The following SNX18 variants were observed in gnomAD, a reference collection of about 807,000 sequenced individuals.
The protein encoded by SNX18 is sorting nexin 18.
SNX18 carries 35 observed loss-of-function variants against 48.7 expected under a neutral mutation model. The ratio of observed to expected loss-of-function variants is 0.72; its 90% CI spans 0.55 to 0.95. The LOEUF (loss-of-function observed/expected upper bound fraction) is 0.95, where lower values mean the gene tolerates loss of function less well. Among genes scored for constraint, SNX18 ranks in the 40% least tolerant of loss-of-function variants. The pLI, the probability that SNX18 is intolerant of heterozygous loss-of-function variation, is 0.00. For synonymous variants in SNX18, 492 were observed against 384.7 expected, an observed-to-expected ratio of 1.28 and a Z score of -3.26; for missense variants, 824 against 871.0, an observed-to-expected ratio of 0.95 and a Z score of 0.68.
At chr5:54,563,260 T>C in the SNX18 span, among the ~76,000 whole-genome samples, 5 of 152,318 alleles carry the variant, frequency 3.3e-5, no homozygotes, top group Admixed American at 1.3e-4. Flanking sequence ...ATGTCCTAGG[T>C]CTTTACATTC....
At chr5:54,519,812 A>C in intron 1 of SNX18, 1 of 1,608,784 alleles carries the variant, frequency 6.2e-7, no homozygotes, top group Admixed American at 1.7e-5. Flanking sequence ...TTCAAAGAGT[A>C]CCTTTGATGA....
At chr5:54,626,107 C>T in the SNX18 span, among the ~76,000 whole-genome samples, 1 of 152,102 alleles carries the variant, frequency 6.6e-6, no homozygotes, top group African/African-American at 2.4e-5. Context: ...ACTTAAGCTA[C>T]CTTAAGCTGG....
the SNX18 span, among the ~76,000 whole-genome samples, chr5:54,614,533 G>T: frequency 2.0e-5 from 3 of 152,180 alleles, no homozygotes; most frequent in African/African-American, 7.2e-5. Context: ...AGGGCCAGGT[G>T]CAGTGGCTCA....
chr5:54,542,196 C>A (rs192253240), intron 1 of SNX18, among the ~76,000 whole-genome samples: 1 of 152,152 alleles, frequency 6.6e-6, no homozygotes, highest in African/African-American at 2.4e-5. Flanking sequence ...TATTTCCTAC[C>A]CCTAAACATC....
At chr5:54,638,791 T>G in the SNX18 span, among the ~76,000 whole-genome samples, 1 of 152,174 alleles carries the variant, frequency 6.6e-6, no homozygotes, top group Admixed American at 6.5e-5. Flanking sequence ...AGCCACCCGC[T>G]TGCCTAAGGT....
chr5:54,526,015 G>A (rs1199016211), intron 1 of SNX18, among the ~76,000 whole-genome samples: 1 of 152,190 alleles, frequency 6.6e-6, no homozygotes, highest in East Asian at 1.9e-4. Flanking sequence ...GCTGCCTGGT[G>A]AGGGTTCCCG....
downstream of SNX18, among the ~76,000 whole-genome samples, chr5:54,548,598 A>T (rs1762610108): frequency 1.3e-5 from 2 of 152,194 alleles, no homozygotes; most frequent in South Asian, 4.1e-4. Context: ...TGATTGACTG[A>T]CTTAGATTGT....
intron 1 of SNX18, among the ~76,000 whole-genome samples, chr5:54,523,869 G>T (rs957641925): frequency 1.3e-5 from 2 of 152,218 alleles, no homozygotes; most frequent in Non-Finnish European, 2.9e-5. Context: ...GCCACACGGA[G>T]ACCCTTCCCT....
At chr5:54,647,144 A>G in the SNX18 span, among the ~76,000 whole-genome samples, 2 of 152,258 alleles carry the variant, frequency 1.3e-5, no homozygotes, top group Non-Finnish European at 2.9e-5. Flanking sequence ...AGGATATTTA[A>G]CAATATAGTG....
chr5:54,624,866 A>C, the SNX18 span, among the ~76,000 whole-genome samples: 3 of 152,334 alleles, frequency 2.0e-5, no homozygotes, highest in South Asian at 6.2e-4. Flanking sequence ...GAGGGTAAAC[A>C]GCTGTCAGCG....
the SNX18 span, among the ~76,000 whole-genome samples, chr5:54,606,499 G>C: frequency 0.053 from 8,048 of 152,232 alleles, 289 homozygotes; most frequent in Non-Finnish European, 0.082. Flanking sequence ...AGGACTTCGG[G>C]AGACCAGGTG....
chr5:54,587,260 G>A, the SNX18 span, among the ~76,000 whole-genome samples: 20 of 152,190 alleles, frequency 1.3e-4, no homozygotes, highest in Admixed American at 5.9e-4. Flanking sequence ...TTGTCCTTAC[G>A]TAAAAGTTGG....
chr5:54,636,202 C>T, the SNX18 span, among the ~76,000 whole-genome samples: 2 of 152,186 alleles, frequency 1.3e-5, no homozygotes, highest in Non-Finnish European at 2.9e-5. Context: ...GGGGCATCCA[C>T]TCTTCTCCTT....
chr5:54,596,735 A>G, the SNX18 span, among the ~76,000 whole-genome samples: 1 of 152,320 alleles, frequency 6.6e-6, no homozygotes, highest in South Asian at 2.1e-4. Context: ...TGAGACAGAT[A>G]GCACCTACTC....
At chr5:54,622,057 A>G in the SNX18 span, among the ~76,000 whole-genome samples, 4 of 152,258 alleles carry the variant, frequency 2.6e-5, no homozygotes, top group Non-Finnish European at 5.9e-5. Context: ...AAAGAATTCG[A>G]GGAGAGCTGC....
At chr5:54,572,750 G>GTATATATATATA in the SNX18 span, among the ~76,000 whole-genome samples, 2 of 41,470 alleles carry the variant, frequency 4.8e-5, no homozygotes, top group African/African-American at 1.8e-4. Flanking sequence ...GTGTGTGTGT[G>GTATATATATATA]TGTGTATATA....
chr5:54,621,165 C>T, the SNX18 span, among the ~76,000 whole-genome samples: 4 of 152,244 alleles, frequency 2.6e-5, no homozygotes, highest in South Asian at 2.1e-4. Flanking sequence ...ATTGGATGTC[C>T]ACTTCTAACC....
At chr5:54,593,198 G>A in the SNX18 span, among the ~76,000 whole-genome samples, 7 of 152,200 alleles carry the variant, frequency 4.6e-5, no homozygotes, top group Non-Finnish European at 2.9e-5. Flanking sequence ...ATTTTCTCTG[G>A]AAGGAATTTT....
the SNX18 span, among the ~76,000 whole-genome samples, chr5:54,621,532 A>G: frequency 1.3e-5 from 2 of 152,224 alleles, no homozygotes; most frequent in Non-Finnish European, 2.9e-5. Context: ...CCCTTCAAGG[A>G]ATCTACAGAG....
Sources: allele counts gnomAD v4.1 joint callset (sites outside exome capture counted in the v4.1 genomes callset), GRCh38; gene constraint gnomAD v4.1.1; transcripts MANE v1.5; gene names NCBI Gene and HGNC (gene_info 2026-07-23, HGNC 2026-07-21).